SRGAP2: variants seen among roughly 807,000 people sequenced by gnomAD.
SRGAP2 encodes the protein SLIT-ROBO Rho GTPase-activating protein 2.
Under a neutral mutation model 57.2 loss-of-function variants are expected in SRGAP2, and 15 were observed. The observed-to-expected ratio is 0.26, with a 90% CI of 0.18 to 0.40. The LOEUF (loss-of-function observed/expected upper bound fraction) is 0.40. Ranked by LOEUF, SRGAP2 falls within the 10% of genes least tolerant of loss-of-function variation. SRGAP2 has a pLI of 1.00. For missense variants in SRGAP2, 520 were observed against 669.6 expected, an observed-to-expected ratio of 0.78 and a Z score of 2.47; for synonymous variants, 249 against 248.0, an observed-to-expected ratio of 1.00 and a Z score of -0.04.
At chr1:206,422,849 A>AT (rs1553364882) in intron 13 of SRGAP2, among the ~76,000 whole-genome samples, 2 of 152,198 alleles carry the variant, frequency 1.3e-5, no homozygotes. Flanking sequence ...ATATACCAAA[A>AT]TCCCCAATCC....
chr1:206,349,510 CAAA>C (rs1217837762), intron 4 of SRGAP2, among the ~76,000 whole-genome samples: 171 of 126,994 alleles, frequency 1.3e-3, no homozygotes, highest in African/African-American at 1.7e-3. Flanking sequence ...ATGCCTCCCT[CAAA>C]AAAAAAAAAA....
chr1:206,318,916 G>A (rs1375755224), intron 3 of SRGAP2, among the ~76,000 whole-genome samples: 2 of 151,850 alleles, frequency 1.3e-5, no homozygotes, highest in Non-Finnish European at 2.9e-5. Flanking sequence ...TGAGATTTGG[G>A]GGGGGACAGA....
At chr1:206,278,126 A>G (rs1433237212) in intron 2 of SRGAP2, among the ~76,000 whole-genome samples, 1,857 of 152,206 alleles carry the variant, frequency 0.012, 35 homozygotes, top group African/African-American at 0.042. Context: ...TTTGATGATC[A>G]TGTATCAGAC....
At chr1:206,411,202 T>G (rs1553359485) in intron 10 of SRGAP2, among the ~76,000 whole-genome samples, 1 of 152,194 alleles carries the variant, frequency 6.6e-6, no homozygotes, top group African/African-American at 2.4e-5. Flanking sequence ...TAGGTTCTTT[T>G]ATGGGGGATA....
intron 2 of SRGAP2, among the ~76,000 whole-genome samples, chr1:206,278,342 C>CTT (rs1327766898): frequency 2.2e-5 from 3 of 134,472 alleles, no homozygotes; most frequent in South Asian, 2.4e-4. Flanking sequence ...CTTTCTTCTA[C>CTT]TTTTTTTTTT....
At chr1:206,413,865 G>A (rs868929748) in intron 10 of SRGAP2, among the ~76,000 whole-genome samples, 1 of 152,150 alleles carries the variant, frequency 6.6e-6, no homozygotes, top group African/African-American at 2.4e-5. Context: ...GACCATCTGG[G>A]TGAACATGGG....
chr1:206,258,315 C>T (rs1284188156), intron 2 of SRGAP2, among the ~76,000 whole-genome samples: 1 of 152,182 alleles, frequency 6.6e-6, no homozygotes, highest in Non-Finnish European at 1.5e-5. Context: ...CAACAGAGAA[C>T]ATATGGCCCA....
intron 4 of SRGAP2, among the ~76,000 whole-genome samples, chr1:206,352,876 C>T (rs1676139862): frequency 6.6e-6 from 1 of 152,104 alleles, no homozygotes; most frequent in Admixed American, 6.5e-5. Context: ...AGTCCTGTTG[C>T]ATGATTACAG....
chr1:206,359,035 G>A (rs1270808199), intron 4 of SRGAP2, among the ~76,000 whole-genome samples: 1 of 152,232 alleles, frequency 6.6e-6, no homozygotes, highest in Non-Finnish European at 1.5e-5. Context: ...AGAGGGGAAA[G>A]AATTGGGCCG....
At chr1:206,302,999 T>TA (rs1671963377) in intron 2 of SRGAP2, among the ~76,000 whole-genome samples, 1 of 114,068 alleles carries the variant, frequency 8.8e-6, no homozygotes, top group Non-Finnish European at 1.7e-5. Context: ...AACATAGTAA[T>TA]ATAAATGGTA....
intron 2 of SRGAP2, among the ~76,000 whole-genome samples, chr1:206,237,271 C>T (rs185878511): frequency 2.6e-4 from 39 of 152,162 alleles, no homozygotes; most frequent in African/African-American, 9.4e-4. Context: ...GTCTGGGCGA[C>T]AGAGTGAGAC....
chr1:206,205,237 T>G (rs1665808104), intron 1 of SRGAP2, 192 bp from the exon 2 acceptor site: 2 of 150,500 alleles, frequency 1.3e-5, no homozygotes, highest in Non-Finnish European at 3.0e-5. Context: ...AGTGTTTTCT[T>G]TCAGCCTTAA....
intron 13 of SRGAP2, among the ~76,000 whole-genome samples, chr1:206,428,933 C>T (rs959654436): frequency 5.3e-5 from 8 of 152,068 alleles, no homozygotes; most frequent in Non-Finnish European, 1.0e-4. Context: ...CAGGTGTGAG[C>T]GACCGCACCT....
chr1:206,274,123 CCTAA>C (rs1187779495), intron 2 of SRGAP2, among the ~76,000 whole-genome samples: 1 of 133,422 alleles, frequency 7.5e-6, no homozygotes, highest in African/African-American at 3.3e-5. Flanking sequence ...TCAAGACCAG[CCTAA>C]CTAACATGGT....
chr1:206,454,927 A>C lies in SRGAP2; in HGVS notation c.2410A>C (p.Ile804Leu). 1 of 780,518 alleles carries C rather than the reference A, an allele frequency of 1.3e-6. No homozygotes were observed. The highest frequency in any genetic ancestry group is 2.4e-6 in the Non-Finnish European group (1 of 417,816). 48.3% of individuals were successfully genotyped at this position (780,518 alleles called of 1,614,324 possible). ...CAGCCCCAAGTCTGAGATTGAGGTC[A>C]TTTCTGAGCCACCTGAAGAAAAGGT... is the stretch of plus-strand genomic sequence containing the variant. ...RSSPKSEIEV[I>L]SEPPEEKVTA... is the part of the protein sequence containing the mutation. The change falls in exon 21 of 23, where the codon ATT (isoleucine) becomes CTT (leucine). Residue 804 changes from isoleucine (I) to leucine (L), a missense_variant. Around this residue, in one of 5 missense-constraint regions of SRGAP2, gnomAD observed 478 missense variants for 373.6 expected, o/e 1.28. Coordinates refer to ENST00000573034, the MANE Select transcript of SRGAP2 (RefSeq NM_015326.5). The surrounding 1 kb of genome is among the most constrained non-coding windows in gnomAD (Gnocchi z 4.3).
chr1:206,307,650 G>A (rs1438014883), intron 3 of SRGAP2, among the ~76,000 whole-genome samples: 39 of 152,218 alleles, frequency 2.6e-4, no homozygotes, highest in African/African-American at 8.4e-4. Flanking sequence ...CCGATGGGCC[G>A]GCACTGCTGG....
intron 3 of SRGAP2, among the ~76,000 whole-genome samples, chr1:206,306,197 G>C (rs1283643671): frequency 5.3e-5 from 8 of 152,288 alleles, no homozygotes; most frequent in African/African-American, 1.9e-4. Flanking sequence ...CAAGAATGAG[G>C]CTGCGGACCC....
In SRGAP2 at chr1:206,458,445, TG is replaced by T. The variant is rs782564511; in HGVS notation, c.2508-176del. ...ATTTCTCCTTCACCCAGCTTGGGGG[TG>T]GCAAGGGAATGAAGACATGGAGAAT... On this transcript the variant is annotated intron_variant, in intron 21 of 22. Coordinates refer to ENST00000573034, the MANE Select transcript of SRGAP2 (RefSeq NM_015326.5). The T allele has an allele frequency of 4.2e-6, 3 of 714,976 alleles. No individual in the cohort carries two copies. The East Asian group carries it at 8.1e-5, about 19-fold the overall frequency. 44.3% of individuals were successfully genotyped at this position (714,976 alleles called of 1,614,324 possible).
At chr1:206,370,448 A>G (rs1654434064) in intron 4 of SRGAP2, among the ~76,000 whole-genome samples, 1 of 152,234 alleles carries the variant, frequency 6.6e-6, no homozygotes, top group Non-Finnish European at 1.5e-5. Context: ...GATACATGCT[A>G]CAATATGGAT....
Sources: allele counts gnomAD v4.1 joint callset (sites outside exome capture counted in the v4.1 genomes callset), GRCh38; gene constraint gnomAD v4.1.1; regional missense constraint gnomAD v4.1.1; non-coding constraint Gnocchi (gnomAD v3.1); transcripts MANE v1.5; gene names NCBI Gene and HGNC (gene_info 2026-07-23, HGNC 2026-07-21).